PCYOX1L: variants seen among roughly 807,000 people sequenced by gnomAD.
PCYOX1L encodes the protein prenylcysteine oxidase 1 like.
In PCYOX1L, 40 loss-of-function variants were observed where a neutral mutation model predicts 44.1. The observed-to-expected ratio is 0.91, with a 90% CI of 0.70 to 1.18. The LOEUF is 1.18. Among genes scored for constraint, PCYOX1L ranks in the 50% most tolerant of loss-of-function variants. The pLI is 0.00. For synonymous variants in PCYOX1L, 266 were observed against 282.8 expected, an observed-to-expected ratio of 0.94 and a Z score of 0.60; for missense variants, 605 against 653.3, an observed-to-expected ratio of 0.93 and a Z score of 0.81.
intron 1 of PCYOX1L, 81 bp downstream of exon 1, chr5:149,358,237 T>G: frequency 7.7e-7 from 1 of 1,291,108 alleles, no homozygotes; most frequent in Non-Finnish European, 9.8e-7. Flanking sequence ...AGGTGGGGTA[T>G]AGGAGGGCGG....
At chr5:149,367,338 A>G (rs759973337) in intron 4 of PCYOX1L, 22 bp from the exon 5 acceptor site, 2 of 1,600,776 alleles carry the variant, frequency 1.2e-6, no homozygotes, top group Admixed American at 1.8e-5. Flanking sequence ...ACCTATCAGC[A>G]CCCACTTCCC....
intron 3 of PCYOX1L, 42 bp downstream of exon 3, chr5:149,364,252 C>A: frequency 6.2e-7 from 1 of 1,607,490 alleles, no homozygotes; most frequent in South Asian, 1.1e-5. Context: ...CCAGGGGAAC[C>A]GAGAAGAGGT....
At chr5:149,367,587 CTG>C in intron 5 of PCYOX1L, 87 bp downstream of exon 5, 2 of 1,549,012 alleles carry the variant, frequency 1.3e-6, no homozygotes, top group Non-Finnish European at 1.7e-6. Context: ...CAGCCCTGGT[CTG>C]TGATCCCCCT....
chr5:149,368,129 G>T lies in PCYOX1L; in HGVS notation c.960G>T (p.Pro320=), dbSNP rs781093511. The change falls in exon 6 of 6, where the codon CCG becomes CCT. Residue 320 remains proline (P), a synonymous_variant. Transcript: ENST00000274569. ...ACTTAACCTTTGCAGGCTTCCACCC[G>T]CCCATTGATGACGTGCAGGGCTCTT... ...SSNLTFAGFH[P]PIDDVQGSFQ... 8 of 1,613,104 alleles carry T rather than the reference G, an allele frequency of 5.0e-6. No homozygotes were observed. The highest frequency in any genetic ancestry group is 4.5e-5 in the East Asian group (2 of 44,850).
intron 4 of PCYOX1L, among the ~76,000 whole-genome samples, chr5:149,367,072 A>G (rs1758235445): frequency 6.6e-6 from 1 of 151,986 alleles, no homozygotes; most frequent in Non-Finnish European, 1.5e-5. Flanking sequence ...CTGGGCAGCT[A>G]CAGATCTGCT....
rs911397391 is a variant in PCYOX1L at position 149,369,397 on chromosome 5, T to C, written c.*743T>C. 6.6e-6 allele frequency: 1 copy of C among 152,222 alleles called. No individual in the cohort carries two copies. The highest frequency in any genetic ancestry group is 6.5e-5 in the Admixed American group (1 of 15,290). 9.4% of individuals were successfully genotyped at this position (152,222 alleles called of 1,614,324 possible). A position where few individuals can be genotyped will look rare whatever the true frequency, so the allele number is the denominator to read the frequency against. ...GAGGAATTAGCCATTCTCTTCCTTA[T>C]GCAAAGATTGAGGAATGCAACAATA... On this transcript the variant is annotated 3_prime_UTR_variant, in exon 6 of 6. Coordinates refer to ENST00000274569, the MANE Select transcript of PCYOX1L (RefSeq NM_024028.4).
intron 1 of PCYOX1L, 155 bp downstream of exon 1, chr5:149,358,311 GC>G (rs1757911802): frequency 2.5e-6 from 3 of 1,191,944 alleles, no homozygotes; most frequent in East Asian, 6.7e-5. Flanking sequence ...AGGGGACGCG[GC>G]AGGGAAGGTC....
chr5:149,365,719 C>T, intron 3 of PCYOX1L: 1 of 586,342 alleles, frequency 1.7e-6, no homozygotes, highest in Non-Finnish European at 3.0e-6. Context: ...TGATGTGAAG[C>T]CAGGCCTAGA....
In PCYOX1L at chr5:149,367,482, G is replaced by C; in HGVS notation, c.805G>C (p.Val269Leu). The part of the protein sequence containing the change: ...ANVIHATVTS[V>L]TLHSTEGKAL... ...TGTGATCCATGCCACAGTGACCTCT[G>C]TGACCCTGCACAGCACAGGTGAGTA... The change falls in exon 5 of 6, where the codon GTG becomes CTG. Residue 269 changes from valine (V) to leucine (L), a missense_variant. Coordinates refer to ENST00000274569, the MANE Select transcript of PCYOX1L (RefSeq NM_024028.4). The C allele has an allele frequency of 6.2e-7, 1 of 1,613,856 alleles. No homozygotes were observed. The highest frequency in any genetic ancestry group is 8.5e-7 in the Non-Finnish European group (1 of 1,179,886).
chr5:149,364,190 G>A lies in PCYOX1L; in HGVS notation c.450G>A (p.Glu150=), dbSNP rs1758122157. The A allele has an allele frequency of 3.1e-6, 5 of 1,614,148 alleles. No individual in the cohort carries two copies. In the East Asian group the frequency reaches 1.1e-4, roughly 36 times the overall value. Residue 150 remains glutamate (E), a synonymous_variant, in exon 3 of 6, where the codon GAG becomes GAA. Coordinates refer to ENST00000274569, the MANE Select transcript of PCYOX1L (RefSeq NM_024028.4). ...SFLRLQMWVE[E]VMEKFMRIYK... ...TGAGGCTGCAGATGTGGGTGGAGGAGGTCATGGAGAAGTTCATGAGGTAGG... is the reference window on the plus strand; with the variant it reads ...TGAGGCTGCAGATGTGGGTGGAGGAAGTCATGGAGAAGTTCATGAGGTAGG...
At position 149,362,689 on chromosome 5, in the gene PCYOX1L, G is replaced by C. The variant is rs768393662; in HGVS notation, c.141G>C (p.Gln47His). 3.0e-5 allele frequency: 49 copies of C among 1,614,090 alleles called. No homozygotes were observed. In the Admixed American group the frequency reaches 7.8e-4, roughly 26 times the overall value. The change falls in exon 2 of 6, where the codon CAG becomes CAC. Residue 47 changes from glutamine to histidine, a missense_variant. Physicochemically the swap from Gln to His is conservative, Grantham distance 24. Transcript: ENST00000274569. ...CTGCTGTGGCCCATTTTCTCCAGCA[G>C]CACTTTGGACCTCGGGTGCAGATCG... is the stretch of plus-strand genomic sequence containing the variant. ...GGSAVAHFLQQHFGPRVQIDV... is the reference protein window; with the variant it reads ...GGSAVAHFLQHHFGPRVQIDV...
chr5:149,359,769 G>T (rs1757956744), intron 1 of PCYOX1L, among the ~76,000 whole-genome samples: 1 of 152,220 alleles, frequency 6.6e-6, no homozygotes, highest in South Asian at 2.1e-4. Context: ...ATGCCTCACT[G>T]CCCTTCAGCT....
chr5:149,365,852 T>C (rs1031126954), intron 3 of PCYOX1L, 90 bp from the exon 4 acceptor site: 36 of 1,215,980 alleles, frequency 3.0e-5, no homozygotes, highest in Admixed American at 5.5e-5. Context: ...GATGGGTTCC[T>C]GGTGGGCCTC....
At position 149,368,841 on chromosome 5, in the gene PCYOX1L, A is replaced by C. The variant is rs1041080224; in HGVS notation, c.*187A>C. On this transcript the variant is annotated 3_prime_UTR_variant, in exon 6 of 6. Coordinates refer to ENST00000274569, the MANE Select transcript of PCYOX1L (RefSeq NM_024028.4). ...CACACGGCGGCTGCTGCTTTTTTTT[A>C]AGGGGGAAAGTAAGAAAAGAGAAGG... 5.5e-5 allele frequency: 24 copies of C among 434,110 alleles called. No homozygotes were observed. The highest frequency in any genetic ancestry group is 8.6e-5 in the Non-Finnish European group (22 of 255,432). 26.9% of individuals were successfully genotyped at this position (434,110 alleles called of 1,614,324 possible).
At position 149,364,160 on chromosome 5, in the gene PCYOX1L, C is replaced by T. The variant is rs747838510; in HGVS notation, c.420C>T (p.Ser140=). Residue 140 remains serine (S), a synonymous_variant, in exon 3 of 6, where the codon AGC becomes AGT. Coordinates refer to ENST00000274569, the MANE Select transcript of PCYOX1L (RefSeq NM_024028.4). ...GCCTCTGGTGGCACTATGGCATCAG[C>T]TTCCTGAGGCTGCAGATGTGGGTGG... The part of the protein sequence containing the change: ...LFRLWWHYGI[S]FLRLQMWVEE... 17 of 1,614,166 alleles carry T rather than the reference C, an allele frequency of 1.1e-5. No homozygotes were observed. The South Asian group carries it at 1.8e-4, about 17-fold the overall frequency.
chr5:149,362,364 C>G, intron 1 of PCYOX1L: 3 of 474,398 alleles, frequency 6.3e-6, no homozygotes, highest in South Asian at 5.0e-5. Flanking sequence ...ATTGGTCATC[C>G]TGACTTTCAG....
chr5:149,364,438 C>A, intron 3 of PCYOX1L: 2 of 488,664 alleles, frequency 4.1e-6, no homozygotes, highest in Non-Finnish European at 7.3e-6. Context: ...TTACCCTCTA[C>A]TACACTGATA....
Position 149,368,358 on chromosome 5 carries a change from C to G in PCYOX1L, c.1189C>G (p.Gln397Glu), listed in dbSNP as rs1758302603. The change falls in exon 6 of 6, where the codon CAG (glutamine) becomes GAG (glutamate). Residue 397 changes from glutamine to glutamate, a missense_variant. Physicochemically the swap from Gln to Glu is conservative, Grantham distance 29. Transcript: ENST00000274569. ...QPQEAAVWRVQSPKPLFRTQL... is the reference protein window; with the variant it reads ...QPQEAAVWRVESPKPLFRTQL... ...CCAGGAGGCAGCTGTTTGGCGAGTC[C>G]AGTCCCCCAAGCCCCTCTTTCGGAC... 4 of 1,614,200 alleles carry G rather than the reference C, an allele frequency of 2.5e-6. No homozygotes were observed. The highest frequency in any genetic ancestry group is 3.4e-6 in the Non-Finnish European group (4 of 1,180,034).
chr5:149,359,857 C>T (rs572854927), intron 1 of PCYOX1L, among the ~76,000 whole-genome samples: 56 of 152,332 alleles, frequency 3.7e-4, no homozygotes, highest in African/African-American at 1.3e-3. Flanking sequence ...AACAAGAATG[C>T]GGATTCCTGT....
Sources: gnomAD v4.1 joint callset for allele counts (sites outside exome capture counted in the v4.1 genomes callset) on GRCh38, gnomAD v4.1.1 for gene constraint, MANE v1.5 for transcripts, NCBI Gene and HGNC (gene_info 2026-07-23, HGNC 2026-07-21) for gene names.